The following FTO variants were observed in gnomAD, a reference collection of about 807,000 sequenced individuals.
FTO encodes the protein alpha-ketoglutarate-dependent dioxygenase FTO.
Under a neutral mutation model 63.9 loss-of-function variants are expected in FTO, and 47 were observed. The ratio of observed to expected loss-of-function variants is 0.74; its 90% CI spans 0.58 to 0.94. FTO has a LOEUF of 0.94. FTO is among the 40% of genes least tolerant of loss of function. The pLI is 0.00. For missense variants in FTO, 562 were observed against 618.1 expected (o/e 0.91, Z 0.96); for synonymous variants, 207 against 224.4 (o/e 0.92, Z 0.69).
chr16:53,883,362 G>A (rs745996215), intron 6 of FTO, among the ~76,000 whole-genome samples: 7 of 152,028 alleles, frequency 4.6e-5, no homozygotes, highest in South Asian at 4.1e-4. Context: ...TGGCTCACGC[G>A]TGTAATCCCA....
chr16:53,924,438 T>A (rs1211775868), intron 7 of FTO, among the ~76,000 whole-genome samples: 1 of 152,230 alleles, frequency 6.6e-6, no homozygotes, highest in East Asian at 1.9e-4. Flanking sequence ...TCTGCGGAGA[T>A]GTTCAGTCAA....
At chr16:53,818,443 G>T (rs1228745079) in intron 2 of FTO, among the ~76,000 whole-genome samples, 1 of 152,016 alleles carries the variant, frequency 6.6e-6, no homozygotes, top group African/African-American at 2.4e-5. Flanking sequence ...CCATCAGAAA[G>T]AATCTCTTGG....
At chr16:54,069,877 G>A (rs2085823951) in intron 8 of FTO, 1 of 152,124 alleles carries the variant, frequency 6.6e-6, no homozygotes, top group Non-Finnish European at 1.5e-5. Context: ...CATACAAAAT[G>A]GTTAGGAAGA....
chr16:53,744,135 T>C (rs1277632924), intron 1 of FTO, among the ~76,000 whole-genome samples: 1 of 152,176 alleles, frequency 6.6e-6, no homozygotes, highest in East Asian at 1.9e-4. Context: ...AGGGATCACT[T>C]CCTTTCTCTT....
chr16:53,759,240 A>G lies in FTO; in HGVS notation c.46-50900A>G, dbSNP rs1598588373. ...AAATTTTCAACAGAAGTATTAGAAA[A>G]TACAGTTGAAGACATTTGTCCAGAA... On this transcript the variant is annotated intron_variant, in intron 1 of 8. Coordinates refer to ENST00000471389, the MANE Select transcript of FTO (RefSeq NM_001080432.3). 3.3e-5 allele frequency among the ~76,000 whole-genome samples: 5 copies of G among 152,348 alleles called. No homozygotes were observed. In the South Asian group the frequency reaches 1.0e-3, roughly 32 times the overall value.
intron 8 of FTO, among the ~76,000 whole-genome samples, chr16:53,994,853 C>A (rs1483482210): frequency 6.6e-6 from 1 of 152,040 alleles, no homozygotes; most frequent in African/African-American, 2.4e-5. Context: ...CGTGCCTCAG[C>A]CTCCCGAGTA....
intron 1 of FTO, among the ~76,000 whole-genome samples, chr16:53,726,721 C>T (rs2076160812): frequency 6.6e-6 from 1 of 152,174 alleles, no homozygotes; most frequent in Non-Finnish European, 1.5e-5. Context: ...AGGAGACAGC[C>T]ACTCCTTGCT....
intron 1 of FTO, among the ~76,000 whole-genome samples, chr16:53,769,983 C>T (rs1214667115): frequency 1.3e-5 from 2 of 152,028 alleles, no homozygotes; most frequent in Non-Finnish European, 2.9e-5. Flanking sequence ...AAGTGGCACT[C>T]ATCACTTCTG....
At chr16:53,867,046 C>A (rs1225842018) in intron 4 of FTO, among the ~76,000 whole-genome samples, 1 of 152,058 alleles carries the variant, frequency 6.6e-6, no homozygotes, top group Non-Finnish European at 1.5e-5. Context: ...CTCCTCTAAG[C>A]AGTGCTAATG....
chr16:53,730,297 C>G (rs1036892425), intron 1 of FTO, among the ~76,000 whole-genome samples: 26 of 152,082 alleles, frequency 1.7e-4, no homozygotes, highest in African/African-American at 5.6e-4. Flanking sequence ...AAGTTAGCTT[C>G]AGATAAACTT....
chr16:53,954,214 A>G (rs2082867348), intron 8 of FTO, among the ~76,000 whole-genome samples: 1 of 152,140 alleles, frequency 6.6e-6, no homozygotes, highest in Non-Finnish European at 1.5e-5. Flanking sequence ...CATCTCGAGA[A>G]TGAGGAGTTA....
At chr16:54,009,497 G>A (rs1453216858) in intron 8 of FTO, among the ~76,000 whole-genome samples, 2 of 152,106 alleles carry the variant, frequency 1.3e-5, no homozygotes, top group African/African-American at 2.4e-5. Context: ...GCCTATAAAC[G>A]GATCAAGAAA....
chr16:53,862,834 C>T (rs1483070880), intron 4 of FTO, among the ~76,000 whole-genome samples: 4 of 152,114 alleles, frequency 2.6e-5, no homozygotes, highest in Admixed American at 2.0e-4. Context: ...TGTGAGCCAC[C>T]ATGCCCAGCC....
chr16:53,892,972 C>A (rs984444518), intron 7 of FTO, among the ~76,000 whole-genome samples: 2 of 152,190 alleles, frequency 1.3e-5, no homozygotes, highest in Admixed American at 1.3e-4. Context: ...ACTCCCCCAT[C>A]CTCCACTTCC....
intron 1 of FTO, among the ~76,000 whole-genome samples, chr16:53,739,488 A>G (rs1330401842): frequency 2.0e-5 from 3 of 151,668 alleles, no homozygotes; most frequent in African/African-American, 7.3e-5. Context: ...TGCTGGGATT[A>G]CAGGTGTGAG....
intron 7 of FTO, among the ~76,000 whole-genome samples, chr16:53,916,267 G>A (rs912282587): frequency 6.6e-6 from 1 of 152,082 alleles, no homozygotes; most frequent in Admixed American, 6.5e-5. Context: ...GGGCAAAGGC[G>A]GGCTAGCAGA....
At chr16:53,911,208 T>G in intron 7 of FTO, 1 of 585,950 alleles carries the variant, frequency 1.7e-6, no homozygotes, top group Admixed American at 2.9e-5. Context: ...GGCAGGCATC[T>G]CCACAGAGAC....
chr16:54,029,620 A>G (rs1294483508), intron 8 of FTO, among the ~76,000 whole-genome samples: 1 of 152,188 alleles, frequency 6.6e-6, no homozygotes, highest in Non-Finnish European at 1.5e-5. Context: ...TTAAAAAATA[A>G]GAGGTGTATG....
At chr16:54,079,290 G>A (rs183953771) in intron 8 of FTO, among the ~76,000 whole-genome samples, 69 of 152,276 alleles carry the variant, frequency 4.5e-4, no homozygotes, top group African/African-American at 1.6e-3. Flanking sequence ...TACAAGCACA[G>A]GATGGCCAAA....
Sources: allele counts gnomAD v4.1 joint callset (sites outside exome capture counted in the v4.1 genomes callset), GRCh38; gene constraint gnomAD v4.1.1; transcripts MANE v1.5; gene names NCBI Gene and HGNC (gene_info 2026-07-23, HGNC 2026-07-21).